ARK2C: variants seen among roughly 807,000 people sequenced by gnomAD.
ARK2C encodes the protein arkadia (RNF111) C-terminal like ring finger ubiquitin ligase 2C, also known as E3 ubiquitin-protein ligase ARK2C.
chr18:46,371,900 A>T, the ARK2C span, among the ~76,000 whole-genome samples: 1 of 152,168 alleles, frequency 6.6e-6, no homozygotes, highest in African/African-American at 2.4e-5. Context: ...TGGGACATTC[A>T]TGGGTTCATC....
chr18:46,404,607 G>T, the ARK2C span, among the ~76,000 whole-genome samples: 2,025 of 152,146 alleles, frequency 0.013, 54 homozygotes, highest in African/African-American at 0.046. Flanking sequence ...ACCAAAATTA[G>T]CAGGGCATGG....
the ARK2C span, among the ~76,000 whole-genome samples, chr18:46,356,849 G>C: frequency 6.6e-6 from 1 of 152,208 alleles, no homozygotes; most frequent in Admixed American, 6.5e-5. Flanking sequence ...AGAGACAGAG[G>C]CTTTACATTC....
At chr18:46,411,566 G>T in the ARK2C span, among the ~76,000 whole-genome samples, 35,331 of 152,170 alleles carry the variant, frequency 0.23, 4,361 homozygotes, top group East Asian at 0.4. Flanking sequence ...GGACAGCTGA[G>T]GTTCTGCCTC....
At chr18:46,426,090 C>A in the ARK2C span, among the ~76,000 whole-genome samples, 1 of 152,154 alleles carries the variant, frequency 6.6e-6, no homozygotes, top group African/African-American at 2.4e-5. Context: ...AAATCCATCA[C>A]CTTGGCGGTT....
chr18:46,366,679 G>A, the ARK2C span, among the ~76,000 whole-genome samples: 1 of 152,186 alleles, frequency 6.6e-6, no homozygotes, highest in South Asian at 2.1e-4. Context: ...TGGGAGCAAG[G>A]TGTTTCTTTT....
At chr18:46,412,986 C>T in the ARK2C span, among the ~76,000 whole-genome samples, 9 of 152,112 alleles carry the variant, frequency 5.9e-5, no homozygotes, top group East Asian at 1.9e-4. Flanking sequence ...GATGCTTGCA[C>T]GTCAAACAAC....
At chr18:46,449,084 A>G in the ARK2C span, among the ~76,000 whole-genome samples, 10 of 152,350 alleles carry the variant, frequency 6.6e-5, no homozygotes, top group African/African-American at 2.2e-4. Context: ...TAAGCAGTTC[A>G]TGTAAATTAT....
chr18:46,454,985 T>C, the ARK2C span, among the ~76,000 whole-genome samples: 2 of 152,222 alleles, frequency 1.3e-5, no homozygotes, highest in Non-Finnish European at 2.9e-5. Context: ...CTTTACATAA[T>C]GGTAAACTAC....
the ARK2C span, among the ~76,000 whole-genome samples, chr18:46,356,314 C>G: frequency 6.6e-6 from 1 of 152,114 alleles, no homozygotes; most frequent in South Asian, 2.1e-4. Flanking sequence ...GGAAGGCAGA[C>G]AGCAAACAAG....
chr18:46,385,138 A>T, the ARK2C span, among the ~76,000 whole-genome samples: 4 of 152,202 alleles, frequency 2.6e-5, no homozygotes, highest in African/African-American at 9.6e-5. Context: ...TGCTTACCAC[A>T]CTGGTGCCAG....
chr18:46,442,461 G>T, the ARK2C span, among the ~76,000 whole-genome samples: 3 of 152,120 alleles, frequency 2.0e-5, no homozygotes, highest in African/African-American at 7.2e-5. Flanking sequence ...TTGGGATTTT[G>T]CAGACTTTTC....
the ARK2C span, among the ~76,000 whole-genome samples, chr18:46,356,601 C>G: frequency 6.6e-6 from 1 of 152,166 alleles, no homozygotes. Flanking sequence ...ACTAACTACT[C>G]ACTCTGAACA....
At chr18:46,437,125 T>C in the ARK2C span, among the ~76,000 whole-genome samples, 28 of 140,104 alleles carry the variant, frequency 2.0e-4, no homozygotes, top group Non-Finnish European at 3.3e-4. Flanking sequence ...AGAAGGAGGC[T>C]CCGGGAGGCT....
the ARK2C span, among the ~76,000 whole-genome samples, chr18:46,455,137 C>A: frequency 6.6e-6 from 1 of 152,192 alleles, no homozygotes; most frequent in Non-Finnish European, 1.5e-5. Context: ...CTTAAGTGAA[C>A]TTTCTGGATA....
chr18:46,372,085 A>T, the ARK2C span, among the ~76,000 whole-genome samples: 2 of 152,186 alleles, frequency 1.3e-5, no homozygotes, highest in East Asian at 3.9e-4. Flanking sequence ...AGGGACTGGC[A>T]TCCACACAGA....
chr18:46,381,061 C>T, the ARK2C span, among the ~76,000 whole-genome samples: 1 of 152,244 alleles, frequency 6.6e-6, no homozygotes, highest in Non-Finnish European at 1.5e-5. Context: ...CCTGGGCATG[C>T]CACACTACTG....
the ARK2C span, chr18:46,456,818 C>CA: frequency 1.7e-6 from 1 of 585,446 alleles, no homozygotes; most frequent in Non-Finnish European, 3.1e-6. Flanking sequence ...GGGGAGGACC[C>CA]ACCTCTCCAG....
chr18:46,384,152 C>T, the ARK2C span, among the ~76,000 whole-genome samples: 1 of 152,198 alleles, frequency 6.6e-6, no homozygotes, highest in African/African-American at 2.4e-5. Context: ...TTTTACTGTC[C>T]AAGACCACTG....
At chr18:46,337,458 C>A in the ARK2C span, 3 of 985,212 alleles carry the variant, frequency 3.0e-6, no homozygotes, top group Non-Finnish European at 3.6e-6. Flanking sequence ...GAGATGTTAC[C>A]CTGCTGAAAC....
Sources: gnomAD v4.1 joint callset for allele counts (sites outside exome capture counted in the v4.1 genomes callset) on GRCh38, gnomAD v4.1.1 for gene constraint, MANE v1.5 for transcripts, NCBI Gene and HGNC (gene_info 2026-07-23, HGNC 2026-07-21) for gene names.